SDK1: variants seen among roughly 807,000 people sequenced by gnomAD.
SDK1 encodes sidekick cell adhesion molecule 1, also known as protein sidekick-1.
SDK1 carries 157 observed loss-of-function variants against 245.5 expected under a neutral mutation model. That is an observed-to-expected ratio of 0.64 (90% confidence interval 0.56 to 0.73). The LOEUF is 0.73. Ranked by LOEUF, SDK1 falls within the 30% of genes least tolerant of loss-of-function variation. The pLI is 0.00. For missense variants in SDK1, 3,583 were observed against 3,002.3 expected (o/e 1.19, Z -4.52); for synonymous variants, 1,647 against 1,278.5 (o/e 1.29, Z -6.15).
chr7:3,920,735 G>A (rs1451773199), intron 5 of SDK1, among the ~76,000 whole-genome samples: 1 of 151,382 alleles, frequency 6.6e-6, no homozygotes, highest in Non-Finnish European at 1.5e-5. Flanking sequence ...ATGACCCAGG[G>A]TAAAGGGAGA....
intron 1 of SDK1, among the ~76,000 whole-genome samples, chr7:3,550,327 C>A (rs1386752570): frequency 6.6e-6 from 1 of 152,104 alleles, no homozygotes; most frequent in Non-Finnish European, 1.5e-5. Flanking sequence ...TTTGCGTTTT[C>A]TTCCCTTTTC....
At chr7:3,893,612 T>C (rs1228102756) in intron 5 of SDK1, among the ~76,000 whole-genome samples, 1 of 151,862 alleles carries the variant, frequency 6.6e-6, no homozygotes, top group Non-Finnish European at 1.5e-5. Flanking sequence ...CCCGTCTAGC[T>C]GTCCTCTTGA....
intron 28 of SDK1, among the ~76,000 whole-genome samples, chr7:4,133,281 A>C (rs1450725295): frequency 1.3e-5 from 2 of 152,228 alleles, no homozygotes; most frequent in Non-Finnish European, 2.9e-5. Context: ...CCAAAGCAAC[A>C]AATTCTATTT....
Position 4,109,774 on chromosome 7 carries a change from CAGT to C in SDK1, c.3325-886_3325-884del, listed in dbSNP as rs563662223. On this transcript the variant is annotated intron_variant, in intron 22 of 44. Coordinates refer to ENST00000404826, the MANE Select transcript of SDK1 (RefSeq NM_152744.4). ...GGACGTGGTCAGCTTGGGGCAGTGG[CAGT>C]AGAAGCGGCACTGGCACTCGGGTTT... 2.3e-3 allele frequency among the ~76,000 whole-genome samples: 354 copies of C among 152,228 alleles called. 4 individuals are homozygous for C. The highest frequency in any genetic ancestry group is 3.4e-3 in the Admixed American group (52 of 15,294).
At chr7:4,093,812 G>A (rs1270469737) in intron 22 of SDK1, among the ~76,000 whole-genome samples, 1 of 152,192 alleles carries the variant, frequency 6.6e-6, no homozygotes, top group Non-Finnish European at 1.5e-5. Context: ...CACGGGCTGT[G>A]TTTCATTTTG....
At position 3,301,781 on chromosome 7, in the gene SDK1, G is replaced by A; in HGVS notation, c.195G>A (p.Ala65=). 1.0e-6 allele frequency: 1 copy of A among 1,003,734 alleles called. No individual in the cohort carries two copies. The highest frequency in any genetic ancestry group is 4.5e-5 in the South Asian group (1 of 22,230). 62.2% of individuals were successfully genotyped at this position (1,003,734 alleles called of 1,614,324 possible). A position where few individuals can be genotyped will look rare whatever the true frequency, so the allele number is the denominator to read the frequency against. ...CCTCCGGCGGGGACACGGCGGGCGC[G>A]GGGCGGTGCGGCGGGCGGCGGGCGG... ...PETSGGDTAG[A]GRCGGRRAAK... Residue 65 remains alanine, a synonymous_variant, in exon 1 of 45, where the codon GCG becomes GCA. Coordinates refer to ENST00000404826, the MANE Select transcript of SDK1 (RefSeq NM_152744.4).
At chr7:3,687,147 T>G (rs1425957369) in intron 4 of SDK1, among the ~76,000 whole-genome samples, 1 of 150,002 alleles carries the variant, frequency 6.7e-6, no homozygotes, top group East Asian at 2.0e-4. Context: ...TGAAAAATTA[T>G]GTTCACACAA....
At chr7:3,440,193 A>G (rs893480574) in intron 1 of SDK1, among the ~76,000 whole-genome samples, 3 of 152,134 alleles carry the variant, frequency 2.0e-5, no homozygotes, top group African/African-American at 7.2e-5. Context: ...TGCCCTGTAA[A>G]ATGAAGGTGT....
chr7:3,388,972 A>G (rs1781677810), intron 1 of SDK1, among the ~76,000 whole-genome samples: 1 of 152,220 alleles, frequency 6.6e-6, no homozygotes, highest in Admixed American at 6.5e-5. Context: ...CCTGCTGGAA[A>G]GGAAATAGCA....
chr7:3,580,617 A>T lies in SDK1; in HGVS notation c.299-38463A>T, dbSNP rs566065460. Among the ~76,000 whole-genome samples the T allele has an allele frequency of 3.3e-5, 5 of 151,314 alleles. No individual in the cohort carries two copies. The South Asian group carries it at 1.0e-3, about 31-fold the overall frequency. ...TGCAGGGGATTTTTTTACACCATGT[A>T]AAAAAATCAACTCAAGATGGATTAA... is the stretch of plus-strand genomic sequence containing the variant. On this transcript the variant is annotated intron_variant, in intron 1 of 44. Transcript: ENST00000404826.
chr7:3,952,175 A>G (rs1180625342), intron 7 of SDK1: 2 of 497,474 alleles, frequency 4.0e-6, no homozygotes, highest in Non-Finnish European at 7.1e-6. Flanking sequence ...AGCTCGGGAA[A>G]TAGAGCGGTG....
chr7:3,831,669 C>T (rs73672198), intron 5 of SDK1, among the ~76,000 whole-genome samples: 1 of 151,984 alleles, frequency 6.6e-6, no homozygotes, highest in Non-Finnish European at 1.5e-5. Flanking sequence ...TGGTTCAAAG[C>T]ATAATGAAGG....
At chr7:3,975,759 G>A (rs1261692439) in intron 13 of SDK1, among the ~76,000 whole-genome samples, 1 of 152,230 alleles carries the variant, frequency 6.6e-6, no homozygotes, top group Non-Finnish European at 1.5e-5. Flanking sequence ...CTCCTGTTCT[G>A]TCTCCTTCCA....
At chr7:4,191,989 C>T (rs1307001636) in intron 35 of SDK1, among the ~76,000 whole-genome samples, 2 of 152,224 alleles carry the variant, frequency 1.3e-5, no homozygotes, top group African/African-American at 4.8e-5. Context: ...AAACCCTCGC[C>T]CTGCTCCTCC....
At chr7:4,127,132 C>G (rs545491333) in intron 25 of SDK1, among the ~76,000 whole-genome samples, 2 of 152,224 alleles carry the variant, frequency 1.3e-5, no homozygotes, top group South Asian at 4.1e-4. Context: ...GACCAAGCAT[C>G]TTTTTTTTCT....
chr7:4,152,313 C>T (rs1451983074), intron 30 of SDK1, among the ~76,000 whole-genome samples: 1 of 152,220 alleles, frequency 6.6e-6, no homozygotes, highest in Admixed American at 6.5e-5. Flanking sequence ...GTGGCAGATA[C>T]CATCCTCCCA....
intron 35 of SDK1, among the ~76,000 whole-genome samples, chr7:4,202,341 C>T (rs1273251805): frequency 6.6e-6 from 1 of 152,250 alleles, no homozygotes; most frequent in Non-Finnish European, 1.5e-5. Flanking sequence ...GCTGGTCCCT[C>T]CCGCTGCCGC....
chr7:3,355,913 C>T (rs1780781345), intron 1 of SDK1, among the ~76,000 whole-genome samples: 1 of 152,186 alleles, frequency 6.6e-6, no homozygotes, highest in African/African-American at 2.4e-5. Context: ...TCTTTTTATT[C>T]TCTTCAAAGT....
At chr7:4,144,300 T>C (rs900258014) in intron 28 of SDK1, among the ~76,000 whole-genome samples, 2 of 152,004 alleles carry the variant, frequency 1.3e-5, no homozygotes, top group Non-Finnish European at 2.9e-5. Context: ...CCGGTCCCCA[T>C]TGTGGGGAAG....
Sources: gnomAD v4.1 joint callset for allele counts (sites outside exome capture counted in the v4.1 genomes callset) on GRCh38, gnomAD v4.1.1 for gene constraint, MANE v1.5 for transcripts, NCBI Gene and HGNC (gene_info 2026-07-23, HGNC 2026-07-21) for gene names.